HLCS: variants seen among roughly 807,000 people sequenced by gnomAD.
HLCS encodes the protein biotin--protein ligase.
Under a neutral mutation model 75.0 loss-of-function variants are expected in HLCS, and 53 were observed. The ratio of observed to expected loss-of-function variants is 0.71; its 90% confidence interval spans 0.57 to 0.89. HLCS has a LOEUF of 0.89. Ranked by LOEUF, HLCS falls within the 40% of genes least tolerant of loss-of-function variation. The probability of loss-of-function intolerance (pLI) is 0.00; values close to 1 mark genes in which losing one functional copy is unlikely to be tolerated. For synonymous variants in HLCS, 431 were observed against 428.6 expected, an observed-to-expected ratio of 1.01 and a Z score of -0.07; for missense variants, 966 against 1,074.0, an observed-to-expected ratio of 0.90 and a Z score of 1.41.
chr21:36,886,032 CTTTCTACCCCAGCT>C (rs772988891), intron 6 of HLCS, among the ~76,000 whole-genome samples: 97 of 152,012 alleles, frequency 6.4e-4, no homozygotes, highest in Non-Finnish European at 1.1e-3. Context: ...TCTGCAAATA[CTTTCTACCCCAGCT>C]TTTCTACCAT....
At chr21:36,956,781 G>A (rs886928953) in intron 2 of HLCS, among the ~76,000 whole-genome samples, 4 of 151,804 alleles carry the variant, frequency 2.6e-5, no homozygotes, top group Non-Finnish European at 5.9e-5. Flanking sequence ...AGCCAGAATG[G>A]TGGCTCATGG....
chr21:36,755,205 T>C (rs2089515026), intron 10 of HLCS, among the ~76,000 whole-genome samples: 1 of 152,078 alleles, frequency 6.6e-6, no homozygotes, highest in Non-Finnish European at 1.5e-5. Flanking sequence ...AAGACCAGCC[T>C]GGGCAATATA....
At chr21:36,946,230 C>G (rs2067386394) in intron 2 of HLCS, 1 of 231,424 alleles carries the variant, frequency 4.3e-6, no homozygotes, top group Non-Finnish European at 7.1e-6. Context: ...CAATCCTATC[C>G]CTCAACTTTT....
chr21:36,838,595 T>A (rs1215441559), intron 6 of HLCS, among the ~76,000 whole-genome samples: 1 of 151,260 alleles, frequency 6.6e-6, no homozygotes, highest in Non-Finnish European at 1.5e-5. Context: ...TCGCAGCTAC[T>A]CGGGAGGCTG....
At chr21:36,871,788 A>T (rs2063778428) in intron 6 of HLCS, among the ~76,000 whole-genome samples, 1 of 152,234 alleles carries the variant, frequency 6.6e-6, no homozygotes, top group South Asian at 2.1e-4. Context: ...CTCAATAATA[A>T]AATGACAAGT....
intron 6 of HLCS, among the ~76,000 whole-genome samples, chr21:36,876,255 C>A (rs1013519499): frequency 6.6e-6 from 1 of 152,164 alleles, no homozygotes; most frequent in Non-Finnish European, 1.5e-5. Flanking sequence ...AAAACTCAGG[C>A]AAAGGTACCA....
In HLCS at chr21:36,937,170, C is replaced by A. The variant is rs1321951753; in HGVS notation, c.716G>T (p.Gly239Val). 6.2e-7 allele frequency: 1 copy of A among 1,614,040 alleles called. No individual in the cohort carries two copies. The change falls in exon 4 of 11, where the codon GGA becomes GTA. Residue 239 changes from glycine (G) to valine (V), a missense_variant. Physicochemically the swap from Gly to Val is moderately radical, Grantham distance 109. Transcript: ENST00000674895. ...GTGATAATGCTCAACGGGGCCCCCTCCCCTGTCACTGTCCCCAGCAGGCTC... is the reference window on the plus strand; with the variant it reads ...GTGATAATGCTCAACGGGGCCCCCTACCCTGTCACTGTCCCCAGCAGGCTC... ...GSEPAGDSDR[G>V]GGPVEHYHLH...
At chr21:36,799,352 T>G (rs2061126977) in intron 6 of HLCS, among the ~76,000 whole-genome samples, 1 of 152,236 alleles carries the variant, frequency 6.6e-6, no homozygotes, top group African/African-American at 2.4e-5. Flanking sequence ...TCTGGACACT[T>G]ACCCTGTTCC....
intron 8 of HLCS, among the ~76,000 whole-genome samples, chr21:36,763,571 G>A (rs1329439156): frequency 6.6e-6 from 1 of 152,182 alleles, no homozygotes; most frequent in African/African-American, 2.4e-5. Context: ...GCAGTGAGAA[G>A]GACCTTTTCT....
chr21:36,857,576 C>T (rs115053619), intron 6 of HLCS, among the ~76,000 whole-genome samples: 2,315 of 152,258 alleles, frequency 0.015, 57 homozygotes, highest in African/African-American at 0.052. Context: ...AATGTCCTCA[C>T]ATCGATCCTC....
At chr21:36,951,480 T>TC (rs1671850099) in intron 2 of HLCS, among the ~76,000 whole-genome samples, 1 of 152,162 alleles carries the variant, frequency 6.6e-6, no homozygotes, top group South Asian at 2.1e-4. Context: ...TCTAAGTAGG[T>TC]CCCCCCCATA....
chr21:36,800,368 G>A (rs1401984046), intron 6 of HLCS, among the ~76,000 whole-genome samples: 7 of 152,158 alleles, frequency 4.6e-5, no homozygotes, highest in Admixed American at 4.6e-4. Context: ...GCAGTCATTT[G>A]AACAATCAGC....
intron 6 of HLCS, among the ~76,000 whole-genome samples, chr21:36,770,881 T>C (rs1049801129): frequency 2.0e-5 from 3 of 152,206 alleles, no homozygotes; most frequent in Non-Finnish European, 4.4e-5. Context: ...TATTCATAAA[T>C]ACAGAACTTC....
At chr21:36,800,171 A>G (rs1269582438) in intron 6 of HLCS, among the ~76,000 whole-genome samples, 4 of 152,246 alleles carry the variant, frequency 2.6e-5, no homozygotes, top group African/African-American at 4.8e-5. Flanking sequence ...CCACTCCATC[A>G]TCAAAGAGGA....
intron 6 of HLCS, among the ~76,000 whole-genome samples, chr21:36,803,194 ATCT>A (rs985876224): frequency 6.6e-6 from 1 of 152,200 alleles, no homozygotes; most frequent in Admixed American, 6.5e-5. Context: ...TGTCTGGCAC[ATCT>A]TCTTCCATTG....
chr21:36,886,030 T>C (rs777017062), intron 6 of HLCS, among the ~76,000 whole-genome samples: 19 of 152,018 alleles, frequency 1.2e-4, no homozygotes, highest in Non-Finnish European at 2.1e-4. Context: ...TTTCTGCAAA[T>C]ACTTTCTACC....
chr21:36,810,148 C>G (rs2145956011), intron 6 of HLCS, among the ~76,000 whole-genome samples: 1 of 152,304 alleles, frequency 6.6e-6, no homozygotes, highest in African/African-American at 2.4e-5. Flanking sequence ...TGATTTGAGA[C>G]AGTATTCTAT....
chr21:36,931,110 C>T (rs895985746), intron 4 of HLCS, among the ~76,000 whole-genome samples: 10 of 151,966 alleles, frequency 6.6e-5, no homozygotes, highest in African/African-American at 2.4e-4. Context: ...ATGGAGAAAC[C>T]CTGTCTCTAC....
chr21:36,915,070 T>TCC (rs1393239587), intron 5 of HLCS, among the ~76,000 whole-genome samples: 1 of 151,934 alleles, frequency 6.6e-6, no homozygotes, highest in African/African-American at 2.4e-5. Context: ...TGCTGACATG[T>TCC]CCCCCCGCCC....
Sources: allele counts gnomAD v4.1 joint callset (sites outside exome capture counted in the v4.1 genomes callset), GRCh38; gene constraint gnomAD v4.1.1; transcripts MANE v1.5; gene names NCBI Gene and HGNC (gene_info 2026-07-23, HGNC 2026-07-21).